CPNE3: variants seen among roughly 807,000 people sequenced by gnomAD.
CPNE3 encodes copine 3.
In CPNE3, 68 loss-of-function variants were observed where a neutral mutation model predicts 63.9. The ratio of observed to expected loss-of-function variants is 1.06; its 90% CI spans 0.87 to 1.30. The LOEUF (loss-of-function observed/expected upper bound fraction) is 1.30, where lower values mean the gene tolerates loss of function less well. Among genes scored for constraint, CPNE3 ranks in the 50% most tolerant of loss-of-function variants. The pLI is 0.00. For missense variants in CPNE3, 665 were observed against 578.1 expected (o/e 1.15, Z -1.54); for synonymous variants, 219 against 197.5 (o/e 1.11, Z -0.91).
intron 12 of CPNE3, 182 bp from the exon 13 acceptor site, chr8:86,550,864 A>C: frequency 1.7e-6 from 1 of 599,174 alleles, no homozygotes; most frequent in Non-Finnish European, 2.7e-6. Context: ...AGTGCACAGA[A>C]AAATATTTAG....
At chr8:86,518,912 G>A (rs1187110097) in intron 2 of CPNE3, among the ~76,000 whole-genome samples, 2 of 152,108 alleles carry the variant, frequency 1.3e-5, no homozygotes, top group African/African-American at 2.4e-5. Flanking sequence ...TGGGACCACA[G>A]GCACACCCCA....
chr8:86,531,532 T>A (rs1396899338), intron 5 of CPNE3, among the ~76,000 whole-genome samples: 3 of 152,210 alleles, frequency 2.0e-5, no homozygotes, highest in Non-Finnish European at 4.4e-5. Flanking sequence ...AGAGAGAAAC[T>A]GCTTAATAAT....
intron 9 of CPNE3, chr8:86,545,104 A>C: frequency 4.3e-6 from 1 of 230,430 alleles, no homozygotes; most frequent in Non-Finnish European, 8.3e-6. Flanking sequence ...AGTGTCAGTC[A>C]TTAGGAATAG....
chr8:86,546,923 C>A (rs1271167620), intron 10 of CPNE3, among the ~76,000 whole-genome samples: 1 of 152,136 alleles, frequency 6.6e-6, no homozygotes, highest in African/African-American at 2.4e-5. Context: ...GTTGGCCAGG[C>A]TGGTCTTGAA....
In CPNE3 at chr8:86,554,939, C is replaced by T. The variant is rs773253266; in HGVS notation, c.1209C>T (p.His403=). 18 of 1,613,988 alleles carry T rather than the reference C, an allele frequency of 1.1e-5. No individual in the cohort carries two copies. In the East Asian group the frequency reaches 2.5e-4, roughly 22 times the overall value. Residue 403 remains histidine (H), a synonymous_variant, in exon 15 of 17, where the codon CAC becomes CAT. Transcript: ENST00000517490. The part of the protein sequence containing the change: ...GPTNFSPIIN[H]VARFAAAATQ... The stretch of plus-strand genomic sequence containing the variant: ...CTAATTTTTCTCCAATCATAAATCA[C>T]GTGGCCAGGTTTGCTGCTGCAGCCA...
chr8:86,522,166 A>G (rs1586827259), intron 2 of CPNE3, among the ~76,000 whole-genome samples: 1 of 152,294 alleles, frequency 6.6e-6, no homozygotes, highest in South Asian at 2.1e-4. Context: ...TAAAAGTAGA[A>G]ATCTCTGGGG....
intron 6 of CPNE3, among the ~76,000 whole-genome samples, chr8:86,533,068 C>CT (rs1429185659): frequency 6.6e-6 from 1 of 150,742 alleles, no homozygotes; most frequent in Non-Finnish European, 1.5e-5. Flanking sequence ...ATCTATCTAT[C>CT]TTTTTTAGAG....
chr8:86,548,865 T>C (rs982435925), intron 12 of CPNE3, among the ~76,000 whole-genome samples: 21 of 151,948 alleles, frequency 1.4e-4, no homozygotes, highest in African/African-American at 5.1e-4. Context: ...AAATACTAAA[T>C]ACTATTTATG....
chr8:86,549,051 G>A (rs1437822243), intron 12 of CPNE3, among the ~76,000 whole-genome samples: 3 of 152,088 alleles, frequency 2.0e-5, no homozygotes, highest in Admixed American at 2.0e-4. Context: ...CCTATTGAGG[G>A]TTTACTAAAC....
intron 2 of CPNE3, among the ~76,000 whole-genome samples, chr8:86,521,309 C>G (rs992839068): frequency 6.6e-6 from 1 of 152,156 alleles, no homozygotes; most frequent in Non-Finnish European, 1.5e-5. Flanking sequence ...AAAATATAAA[C>G]CATTCCAGTT....
intron 9 of CPNE3, among the ~76,000 whole-genome samples, chr8:86,546,022 G>A (rs1250750424): frequency 6.6e-6 from 1 of 152,096 alleles, no homozygotes; most frequent in African/African-American, 2.4e-5. Flanking sequence ...GAAGGGGAAG[G>A]AAGATCATTC....
At position 86,546,648 on chromosome 8, in the gene CPNE3, G is replaced by A. The variant is rs1821058091; in HGVS notation, c.786G>A (p.Lys262=). The A allele has an allele frequency of 6.2e-7, 1 of 1,613,726 alleles. No homozygotes were observed. The highest frequency in any genetic ancestry group is 8.5e-7 in the Non-Finnish European group (1 of 1,179,922). ...EKKRQKKKSY[K]NSGVISVKQC... ...AAAGGCAAAAGAAAAAAAGCTACAA[G>A]AATTCAGGTGTTATCAGTGTGAAAC... The change falls in exon 10 of 17, where the codon AAG becomes AAA. Residue 262 remains lysine, a synonymous_variant. Transcript: ENST00000517490.
chr8:86,537,580 A>G lies in CPNE3; in HGVS notation c.477A>G (p.Ser159=). Residue 159 remains serine, a synonymous_variant, in exon 7 of 17, where the codon TCA becomes TCG. Transcript: ENST00000517490. ...KLDNKDLFGK[S]DPYLEFHKQT... ...AAATGTAGGATCTATTTGGAAAGTC[A>G]GACCCATACCTGGAATTCCACAAGC... The G allele has an allele frequency of 6.2e-7, 1 of 1,605,118 alleles. No homozygotes were observed. Among genetic ancestry groups the G allele is most frequent in the Non-Finnish European group, 8.5e-7 (1 of 1,171,886 alleles).
At chr8:86,515,261 C>T (rs1263307095) in intron 1 of CPNE3, 3 of 152,246 alleles carry the variant, frequency 2.0e-5, no homozygotes, top group Admixed American at 1.3e-4. Flanking sequence ...TAATGATCAT[C>T]TGCACTTTTT....
chr8:86,548,228 G>A, intron 11 of CPNE3, 73 bp from the exon 12 acceptor site: 5 of 1,538,458 alleles, frequency 3.3e-6, no homozygotes, highest in Non-Finnish European at 4.4e-6. Context: ...CCCATCTCTT[G>A]AAGTTTTCCT....
At position 86,546,621 on chromosome 8, in the gene CPNE3, A is replaced by T; in HGVS notation, c.759A>T (p.Lys253Asn). ...SPVEFECINE[K>N]KRQKKKSYKN... ...TTGAATTTGAATGCATAAATGAGAA[A>T]AAAAGGCAAAAGAAAAAAAGCTACA... Residue 253 changes from lysine (K) to asparagine (N), a missense_variant, in exon 10 of 17, where the codon AAA becomes AAT. Coordinates refer to ENST00000517490, the MANE Select transcript of CPNE3 (RefSeq NM_003909.5). The T allele has an allele frequency of 1.2e-6, 2 of 1,613,770 alleles. No individual in the cohort carries two copies. Among genetic ancestry groups the T allele is most frequent in the Non-Finnish European group, 1.7e-6 (2 of 1,179,918 alleles).
At chr8:86,555,060 G>A in intron 15 of CPNE3, 76 bp downstream of exon 15, 5 of 1,592,542 alleles carry the variant, frequency 3.1e-6, no homozygotes, top group Non-Finnish European at 4.3e-6. Flanking sequence ...CTATGTTTTT[G>A]GTTTGTCATA....
chr8:86,546,746 C>T, intron 10 of CPNE3, 65 bp downstream of exon 10: 1 of 1,528,980 alleles, frequency 6.5e-7, no homozygotes, highest in Non-Finnish European at 8.8e-7. Context: ...GAGCCTCGCT[C>T]TGTTGCCCAG....
Position 86,521,935 on chromosome 8 carries a change from A to G in CPNE3, c.-11+6436A>G, listed in dbSNP as rs529415313. ...AACTCACAGAGTTTTTGTAAGGTTC[A>G]GAAGATAATATATTATTTGGAAGCA... On this transcript the variant is annotated intron_variant, in intron 2 of 16. Transcript: ENST00000517490. Among the ~76,000 whole-genome samples, 9 of 152,248 alleles carry G rather than the reference A, an allele frequency of 5.9e-5. No homozygotes were observed. In the East Asian group the frequency reaches 1.7e-3, roughly 29 times the overall value.
Sources: gnomAD v4.1 joint callset for allele counts (sites outside exome capture counted in the v4.1 genomes callset) on GRCh38, gnomAD v4.1.1 for gene constraint, MANE v1.5 for transcripts, NCBI Gene and HGNC (gene_info 2026-07-23, HGNC 2026-07-21) for gene names.